Variants in PRKN observed in about 807,000 individuals in gnomAD.
PRKN encodes the protein E3 ubiquitin-protein ligase parkin.
In PRKN, 56 loss-of-function variants were observed where a neutral mutation model predicts 59.5. That is an observed-to-expected ratio of 0.94 (90% CI 0.76 to 1.18). The LOEUF is 1.18. PRKN is among the 50% of genes most tolerant of loss of function. PRKN has a pLI of 0.00. For synonymous variants in PRKN, 250 were observed against 222.1 expected (o/e 1.13, Z -1.12); for missense variants, 657 against 596.4 (o/e 1.10, Z -1.06).
At chr6:162,584,246 CAAAAA>C (rs55738318) in intron 1 of PRKN, among the ~76,000 whole-genome samples, 25,445 of 116,912 alleles carry the variant, frequency 0.22, 2,767 homozygotes, top group East Asian at 0.48. Flanking sequence ...AAACAAAAAA[CAAAAA>C]AAAAAAAAAC....
intron 2 of PRKN, among the ~76,000 whole-genome samples, chr6:162,335,861 G>C (rs1207398941): frequency 1.3e-5 from 2 of 151,800 alleles, no homozygotes; most frequent in African/African-American, 4.8e-5. Flanking sequence ...CCAGCAAAGA[G>C]AGGGGCCCTG....
At chr6:161,782,977 C>T (rs974714353) in intron 7 of PRKN, among the ~76,000 whole-genome samples, 2 of 152,024 alleles carry the variant, frequency 1.3e-5, no homozygotes, top group African/African-American at 4.8e-5. Flanking sequence ...TATACATTAA[C>T]TTATATGAGT....
intron 6 of PRKN, among the ~76,000 whole-genome samples, chr6:161,923,333 A>C (rs925127922): frequency 7.6e-4 from 115 of 152,256 alleles, no homozygotes; most frequent in African/African-American, 2.6e-3. Flanking sequence ...AAATACAAAA[A>C]TTAACTGGGC....
chr6:162,107,883 T>C (rs1196216650), intron 4 of PRKN, among the ~76,000 whole-genome samples: 1 of 152,182 alleles, frequency 6.6e-6, no homozygotes, highest in Non-Finnish European at 1.5e-5. Context: ...ACTTTTTCTC[T>C]AAATGAAAAC....
At chr6:161,920,761 G>C (rs1283972343) in intron 6 of PRKN, among the ~76,000 whole-genome samples, 1 of 151,142 alleles carries the variant, frequency 6.6e-6, no homozygotes, top group African/African-American at 2.4e-5. Context: ...CTGCACTCCA[G>C]CCTGGCAACA....
intron 7 of PRKN, among the ~76,000 whole-genome samples, chr6:161,573,070 T>C (rs921510044): frequency 1.3e-5 from 2 of 152,076 alleles, no homozygotes; most frequent in African/African-American, 4.8e-5. Context: ...AAGGGAGGCT[T>C]CCCCTGCCAG....
chr6:162,038,377 C>T (rs1046189984), intron 5 of PRKN, among the ~76,000 whole-genome samples: 1 of 152,126 alleles, frequency 6.6e-6, no homozygotes, highest in South Asian at 2.1e-4. Context: ...ATTATAACAA[C>T]TATGGTCATA....
At chr6:162,405,741 C>T (rs117770034) in intron 2 of PRKN, among the ~76,000 whole-genome samples, 6 of 152,166 alleles carry the variant, frequency 3.9e-5, no homozygotes, top group East Asian at 3.9e-4. Flanking sequence ...AGAAACGCTA[C>T]GCGGGGGTGT....
Position 162,565,501 on chromosome 6 carries a change from C to A in PRKN, c.8-122028G>T, listed in dbSNP as rs146230426. Among the ~76,000 whole-genome samples the A allele has an allele frequency of 3.8e-4, 58 of 152,168 alleles. 2 individuals carry two copies. In the East Asian group the frequency reaches 0.011, roughly 28 times the overall value. On this transcript the variant is annotated intron_variant, in intron 1 of 11. Coordinates refer to ENST00000366898, the MANE Select transcript of PRKN (RefSeq NM_004562.3). ...GGTCAGGAGTTGGAGACAAGCCTGGCAAACATGGTGAAACCCTATCTCTAC... is the reference window on the plus strand; with the variant it reads ...GGTCAGGAGTTGGAGACAAGCCTGGAAAACATGGTGAAACCCTATCTCTAC...
At chr6:162,137,012 G>A (rs562354323) in intron 4 of PRKN, among the ~76,000 whole-genome samples, 2 of 151,980 alleles carry the variant, frequency 1.3e-5, no homozygotes, top group South Asian at 4.2e-4. Flanking sequence ...AAAGAGGAAT[G>A]TGTGAAAATG....
intron 1 of PRKN, among the ~76,000 whole-genome samples, chr6:162,457,369 T>A (rs758946359): frequency 6.6e-6 from 1 of 152,106 alleles, no homozygotes; most frequent in Non-Finnish European, 1.5e-5. Context: ...AGTTTTAATA[T>A]CCCCCAAAAA....
intron 6 of PRKN, among the ~76,000 whole-genome samples, chr6:161,931,150 C>T (rs187304131): frequency 1.4e-3 from 213 of 152,208 alleles, no homozygotes; most frequent in African/African-American, 4.9e-3. Context: ...AAAGTAGACA[C>T]GGCGGCTGGG....
At chr6:161,435,235 T>C (rs1788826357) in intron 9 of PRKN, among the ~76,000 whole-genome samples, 1 of 152,142 alleles carries the variant, frequency 6.6e-6, no homozygotes, top group African/African-American at 2.4e-5. Context: ...TTTTGCAAGA[T>C]AATATTTTAC....
At chr6:162,469,034 G>A (rs774940640) in intron 1 of PRKN, among the ~76,000 whole-genome samples, 9 of 152,048 alleles carry the variant, frequency 5.9e-5, no homozygotes, top group Non-Finnish European at 1.3e-4. Context: ...TTTACAAAAT[G>A]GGGGAAATAT....
At chr6:161,374,412 GTGTGTGGTGCATA>G (rs1233151163) in intron 10 of PRKN, among the ~76,000 whole-genome samples, 1 of 151,206 alleles carries the variant, frequency 6.6e-6, no homozygotes. Flanking sequence ...ATGTTTATGT[GTGTGTGGTGCATA>G]TGTGTGGTGT....
intron 7 of PRKN, among the ~76,000 whole-genome samples, chr6:161,716,419 C>T (rs925299246): frequency 6.6e-6 from 1 of 152,104 alleles, no homozygotes; most frequent in African/African-American, 2.4e-5. Flanking sequence ...GCGTGGGTGG[C>T]AATTTGCTGC....
At chr6:162,093,176 A>C (rs895141198) in intron 4 of PRKN, among the ~76,000 whole-genome samples, 2 of 152,218 alleles carry the variant, frequency 1.3e-5, no homozygotes, top group Non-Finnish European at 2.9e-5. Flanking sequence ...TCCATGACCC[A>C]GGTGAGATTA....
At chr6:162,223,057 G>A (rs759279690) in intron 3 of PRKN, among the ~76,000 whole-genome samples, 4 of 133,008 alleles carry the variant, frequency 3.0e-5, no homozygotes, top group South Asian at 2.3e-4. Flanking sequence ...CCCTTCCTGC[G>A]TCCATGTGAT....
At chr6:161,744,950 G>A (rs1788352419) in intron 7 of PRKN, among the ~76,000 whole-genome samples, 1 of 152,142 alleles carries the variant, frequency 6.6e-6, no homozygotes. Context: ...GCTCTAAAAG[G>A]TCAATATTAG....
Sources: allele counts gnomAD v4.1 joint callset (sites outside exome capture counted in the v4.1 genomes callset), GRCh38; gene constraint gnomAD v4.1.1; transcripts MANE v1.5; gene names NCBI Gene and HGNC (gene_info 2026-07-23, HGNC 2026-07-21).